GRID2: variants seen among roughly 807,000 people sequenced by gnomAD.
GRID2 encodes glutamate receptor ionotropic, delta-2.
In GRID2, 33 loss-of-function variants were observed where a neutral mutation model predicts 114.8. The observed-to-expected ratio is 0.29, with a 90% CI of 0.22 to 0.38. The LOEUF (loss-of-function observed/expected upper bound fraction) is 0.38, where lower values mean the gene tolerates loss of function less well. Ranked by LOEUF, GRID2 falls within the 10% of genes least tolerant of loss-of-function variation. The pLI is 1.00. For synonymous variants in GRID2, 505 were observed against 449.9 expected, an observed-to-expected ratio of 1.12 and a Z score of -1.55; for missense variants, 1,184 against 1,257.7, an observed-to-expected ratio of 0.94 and a Z score of 0.89.
At chr4:92,510,226 C>T (rs1486742760) in intron 1 of GRID2, among the ~76,000 whole-genome samples, 1 of 151,390 alleles carries the variant, frequency 6.6e-6, no homozygotes, top group Admixed American at 6.6e-5. Flanking sequence ...TGATTTGGGG[C>T]AAGAGAGAAA....
chr4:93,508,121 A>G (rs1029107401), intron 12 of GRID2, among the ~76,000 whole-genome samples: 1 of 152,098 alleles, frequency 6.6e-6, no homozygotes, highest in African/African-American at 2.4e-5. Flanking sequence ...ACAAACCTGC[A>G]CGTTGTGCAC....
At chr4:93,746,764 A>C (rs1337391919) in intron 14 of GRID2, among the ~76,000 whole-genome samples, 2 of 152,118 alleles carry the variant, frequency 1.3e-5, no homozygotes, top group Non-Finnish European at 2.9e-5. Context: ...TTCCTGTTAC[A>C]TAGTCAGGCT....
chr4:93,463,085 C>A (rs751874995), intron 11 of GRID2, among the ~76,000 whole-genome samples: 1 of 152,090 alleles, frequency 6.6e-6, no homozygotes, highest in Non-Finnish European at 1.5e-5. Context: ...AACAAAGGGA[C>A]CAAAATGCAT....
At chr4:93,600,119 A>T (rs1472633334) in intron 13 of GRID2, among the ~76,000 whole-genome samples, 1 of 152,254 alleles carries the variant, frequency 6.6e-6, no homozygotes, top group Non-Finnish European at 1.5e-5. Flanking sequence ...GAGTAAACTC[A>T]TCAGGTATTC....
At chr4:93,750,159 T>C (rs1047871077) in intron 14 of GRID2, among the ~76,000 whole-genome samples, 1 of 152,206 alleles carries the variant, frequency 6.6e-6, no homozygotes, top group Non-Finnish European at 1.5e-5. Context: ...CACCATTACC[T>C]GGCCTAAGGA....
intron 2 of GRID2, among the ~76,000 whole-genome samples, chr4:92,921,737 T>G (rs1328181359): frequency 6.6e-6 from 1 of 152,176 alleles, no homozygotes; most frequent in Non-Finnish European, 1.5e-5. Flanking sequence ...CCTGGCCGTG[T>G]GAGGTGTCAG....
chr4:92,648,628 C>T (rs1731762230), intron 2 of GRID2, among the ~76,000 whole-genome samples: 1 of 149,072 alleles, frequency 6.7e-6, no homozygotes, highest in Admixed American at 6.7e-5. Context: ...ATTAATAAGA[C>T]TGTATATAAA....
chr4:93,614,161 T>C lies in GRID2; in HGVS notation c.2194-12108T>C, dbSNP rs542909471. Among the ~76,000 whole-genome samples, 17 of 152,328 alleles carry C rather than the reference T, an allele frequency of 1.1e-4. No individual in the cohort carries two copies. The South Asian group carries it at 1.9e-3, about 17-fold the overall frequency. On this transcript the variant is annotated intron_variant, in intron 13 of 15. Coordinates refer to ENST00000282020, the MANE Select transcript of GRID2 (RefSeq NM_001510.4). ...TCCCAGGTGAGGCAATGCCTCGCCC[T>C]GCTTCAGCTCGCGCACGGTGCGTGC...
At chr4:93,541,901 T>C (rs552243741) in intron 13 of GRID2, among the ~76,000 whole-genome samples, 1 of 152,334 alleles carries the variant, frequency 6.6e-6, no homozygotes, top group East Asian at 1.9e-4. Context: ...TTTGCAAAGA[T>C]GTATGGACAA....
rs1765276392 is a variant in GRID2 at position 93,395,810 on chromosome 4, C to T, written c.1347+102C>T. 7.3e-6 allele frequency: 4 copies of T among 549,130 alleles called. No homozygotes were observed. In the South Asian group the frequency reaches 8.1e-5, roughly 11 times the overall value. 34.0% of individuals were successfully genotyped at this position (549,130 alleles called of 1,614,324 possible). A position where few individuals can be genotyped will look rare whatever the true frequency, so the allele number is the denominator to read the frequency against. ...GACATAATCTTAAAAGAGATTTTAACAAATTCTAAATACGCTTTCTAAGAT... is the reference window on the plus strand; with the variant it reads ...GACATAATCTTAAAAGAGATTTTAATAAATTCTAAATACGCTTTCTAAGAT... On this transcript the variant is annotated intron_variant, in intron 9 of 15. Coordinates refer to ENST00000282020, the MANE Select transcript of GRID2 (RefSeq NM_001510.4).
intron 8 of GRID2, among the ~76,000 whole-genome samples, chr4:93,297,525 G>A (rs1436851715): frequency 1.3e-5 from 2 of 152,130 alleles, no homozygotes; most frequent in East Asian, 1.9e-4. Context: ...AGTGAAATTC[G>A]GGCTCTGCAA....
At chr4:93,683,013 G>A (rs1273791635) in intron 14 of GRID2, among the ~76,000 whole-genome samples, 8 of 151,792 alleles carry the variant, frequency 5.3e-5, no homozygotes, top group Non-Finnish European at 1.2e-4. Flanking sequence ...AAAACTGAGG[G>A]AAATATGATT....
chr4:92,437,840 C>A (rs1436991768), intron 1 of GRID2, among the ~76,000 whole-genome samples: 1 of 152,086 alleles, frequency 6.6e-6, no homozygotes, highest in African/African-American at 2.4e-5. Flanking sequence ...AGAATTAATA[C>A]CTAAAGAAAA....
At chr4:92,981,384 C>T (rs956674290) in intron 2 of GRID2, among the ~76,000 whole-genome samples, 1 of 151,976 alleles carries the variant, frequency 6.6e-6, no homozygotes, top group African/African-American at 2.4e-5. Flanking sequence ...TATTATTGAT[C>T]ATTATCTAGT....
chr4:93,080,166 G>C (rs1325763041), intron 2 of GRID2, among the ~76,000 whole-genome samples: 1 of 152,048 alleles, frequency 6.6e-6, no homozygotes, highest in East Asian at 1.9e-4. Flanking sequence ...AAATTGTTTT[G>C]TGTTACTGTA....
At chr4:92,629,504 TC>T (rs981111338) in intron 2 of GRID2, among the ~76,000 whole-genome samples, 1 of 152,052 alleles carries the variant, frequency 6.6e-6, no homozygotes, top group Non-Finnish European at 1.5e-5. Context: ...CAGAAAGGTG[TC>T]AAAAGTGAAG....
intron 1 of GRID2, among the ~76,000 whole-genome samples, chr4:92,582,210 T>A (rs1356545046): frequency 1.3e-5 from 2 of 151,850 alleles, no homozygotes; most frequent in Admixed American, 1.3e-4. Flanking sequence ...ATACAATTTT[T>A]ATTTTATATT....
intron 4 of GRID2, among the ~76,000 whole-genome samples, chr4:93,149,207 A>G (rs1409264930): frequency 6.6e-6 from 1 of 152,040 alleles, no homozygotes; most frequent in Non-Finnish European, 1.5e-5. Context: ...CAAAATCTCC[A>G]TTTTCCTCTC....
At chr4:92,323,267 T>A (rs1016847782) in intron 1 of GRID2, among the ~76,000 whole-genome samples, 1 of 152,140 alleles carries the variant, frequency 6.6e-6, no homozygotes, top group Non-Finnish European at 1.5e-5. Context: ...CCTTAACGGT[T>A]AAGGTTTCAT....
Sources: allele counts gnomAD v4.1 joint callset (sites outside exome capture counted in the v4.1 genomes callset), GRCh38; gene constraint gnomAD v4.1.1; transcripts MANE v1.5; gene names NCBI Gene and HGNC (gene_info 2026-07-23, HGNC 2026-07-21).